PRKCA: variants seen among roughly 807,000 people sequenced by gnomAD.
The protein encoded by PRKCA is protein kinase C alpha type.
Under a neutral mutation model 87.0 loss-of-function variants are expected in PRKCA, and 27 were observed. That is an observed-to-expected ratio of 0.31 (90% CI 0.23 to 0.43). PRKCA has a LOEUF of 0.43. Ranked by LOEUF, PRKCA falls within the 20% of genes least tolerant of loss-of-function variation. The pLI is 1.00. For missense variants in PRKCA, 518 were observed against 852.3 expected (o/e 0.61, Z 4.88); for synonymous variants, 329 against 311.1 (o/e 1.06, Z -0.61).
At chr17:66,658,841 G>A (rs1477763058) in intron 5 of PRKCA, among the ~76,000 whole-genome samples, 1 of 152,128 alleles carries the variant, frequency 6.6e-6, no homozygotes, top group African/African-American at 2.4e-5. Flanking sequence ...ACCACAGTGG[G>A]ACTCCAGCAG....
In PRKCA at chr17:66,689,950, A is replaced by G. The variant is rs1053056323; in HGVS notation, c.918+903A>G. On this transcript the variant is annotated intron_variant, in intron 8 of 16. Transcript: ENST00000413366. The surrounding 1 kb of genome is among the most constrained non-coding windows in gnomAD (Gnocchi z 4.1). ...GAGCAGTACACGTGCACACGCACAC[A>G]TGTGTGTAGATGCTGAACTGCTACT... is the stretch of plus-strand genomic sequence containing the variant. Among the ~76,000 whole-genome samples, 6 of 152,068 alleles carry G rather than the reference A, an allele frequency of 3.9e-5. No individual in the cohort carries two copies. The highest frequency in any genetic ancestry group is 5.9e-5 in the Non-Finnish European group (4 of 68,016).
intron 3 of PRKCA, among the ~76,000 whole-genome samples, chr17:66,523,474 A>G (rs751201831): frequency 9.8e-5 from 15 of 152,296 alleles, no homozygotes; most frequent in Middle Eastern, 3.4e-3. Context: ...CTACTTATTT[A>G]TAGAGTTTTG....
At chr17:66,409,787 C>T (rs1175691670) in intron 2 of PRKCA, among the ~76,000 whole-genome samples, 1 of 152,160 alleles carries the variant, frequency 6.6e-6, no homozygotes, top group Non-Finnish European at 1.5e-5. Flanking sequence ...AAAAATTAGC[C>T]AGACGTGGTG....
intron 2 of PRKCA, among the ~76,000 whole-genome samples, chr17:66,384,777 C>T (rs562448603): frequency 3.9e-5 from 6 of 152,118 alleles, no homozygotes; most frequent in East Asian, 1.9e-4. Flanking sequence ...TACAGGTGCC[C>T]GTCACCACAC....
chr17:66,728,994 A>T (rs1973821892), intron 8 of PRKCA, among the ~76,000 whole-genome samples: 1 of 152,258 alleles, frequency 6.6e-6, no homozygotes, highest in African/African-American at 2.4e-5. Context: ...AATCCTGAGA[A>T]AATACGATTA....
At chr17:66,670,615 A>G (rs911707475) in intron 5 of PRKCA, among the ~76,000 whole-genome samples, 2 of 152,146 alleles carry the variant, frequency 1.3e-5, no homozygotes, top group Non-Finnish European at 2.9e-5. Context: ...CAATTCCATC[A>G]CTTTGGGAAG....
chr17:66,377,620 TTA>T (rs200023699), intron 2 of PRKCA, among the ~76,000 whole-genome samples: 6,262 of 144,730 alleles, frequency 0.043, 203 homozygotes, highest in Admixed American at 0.072. Context: ...AATGTCTATA[TTA>T]TATATATGTC....
chr17:66,416,454 C>G (rs925491611), intron 2 of PRKCA: 7 of 152,338 alleles, frequency 4.6e-5, no homozygotes, highest in African/African-American at 1.7e-4. Flanking sequence ...TCCATGTGGC[C>G]GGCAGCTGGG....
intron 3 of PRKCA, among the ~76,000 whole-genome samples, chr17:66,548,199 C>T (rs1968205990): frequency 6.6e-6 from 1 of 152,158 alleles, no homozygotes; most frequent in Admixed American, 6.5e-5. Flanking sequence ...CAGCTCCTTA[C>T]ACTTCTCCTT....
intron 3 of PRKCA, among the ~76,000 whole-genome samples, chr17:66,548,276 T>C (rs1968208967): frequency 6.6e-6 from 1 of 152,202 alleles, no homozygotes; most frequent in Admixed American, 6.5e-5. Context: ...CTCACAGGGC[T>C]GAGTCAGCTG....
intron 8 of PRKCA, among the ~76,000 whole-genome samples, chr17:66,721,700 C>T (rs55651107): frequency 1.2e-4 from 18 of 152,244 alleles, no homozygotes; most frequent in Admixed American, 2.6e-4. Context: ...GCCAGAGGGT[C>T]GCTTTCCTCG....
chr17:66,487,311 T>C (rs73334746), intron 2 of PRKCA, among the ~76,000 whole-genome samples: 2,160 of 152,330 alleles, frequency 0.014, 48 homozygotes, highest in African/African-American at 0.049. Context: ...TGTCACATAA[T>C]GACCTCCAGT....
rs73994623 is a variant in PRKCA, at chr17:66,789,989, A to G, written c.1854+1010A>G. On this transcript the variant is annotated intron_variant, in intron 16 of 16. Coordinates refer to ENST00000413366, the MANE Select transcript of PRKCA (RefSeq NM_002737.3). ...CAGCTCTGCCACCATCTTGGCCAGCATCAGGCAGCTCCCCATTGTGCCTCT... is the reference window on the plus strand; with the variant it reads ...CAGCTCTGCCACCATCTTGGCCAGCGTCAGGCAGCTCCCCATTGTGCCTCT... Among the ~76,000 whole-genome samples the G allele has an allele frequency of 2.6e-3, 395 of 152,350 alleles. 3 individuals carry two copies. Among genetic ancestry groups the G allele is most frequent in the African/African-American group, 9.1e-3 (378 of 41,592 alleles).
rs1365692702 is a variant in PRKCA, at chr17:66,790,383, C to G, written c.1854+1404C>G. 4.6e-5 allele frequency among the ~76,000 whole-genome samples: 7 copies of G among 152,290 alleles called. No homozygotes were observed. The East Asian group carries it at 1.3e-3, about 29-fold the overall frequency. On this transcript the variant is annotated intron_variant, in intron 16 of 16. Transcript: ENST00000413366. ...TTTGTATCTGACACCCCCGCCTTTT[C>G]TTTAGTCAGCCCTGCACACTGATTT...
At chr17:66,587,918 TATATATATATATATC>T (rs1969672236) in intron 3 of PRKCA, among the ~76,000 whole-genome samples, 1 of 136,360 alleles carries the variant, frequency 7.3e-6, no homozygotes, top group African/African-American at 2.9e-5. Context: ...TATATATATA[TATATATATATATATC>T]CTGCAGTAGC....
chr17:66,639,840 T>A (rs901651443), intron 3 of PRKCA, among the ~76,000 whole-genome samples: 4 of 151,884 alleles, frequency 2.6e-5, no homozygotes. Context: ...CTACTAAAAA[T>A]TAAAAAAAAT....
intron 2 of PRKCA, among the ~76,000 whole-genome samples, chr17:66,332,885 G>A (rs918746269): frequency 7.2e-5 from 11 of 152,022 alleles, no homozygotes; most frequent in African/African-American, 1.9e-4. Flanking sequence ...TAGAGACGGG[G>A]TTTCACCATG....
chr17:66,330,975 G>T (rs1252696475), intron 2 of PRKCA, among the ~76,000 whole-genome samples: 2 of 152,162 alleles, frequency 1.3e-5, no homozygotes, highest in African/African-American at 4.8e-5. Flanking sequence ...ATTAGTAATT[G>T]TTCTATACTT....
chr17:66,668,512 A>G (rs1329348233), intron 5 of PRKCA, among the ~76,000 whole-genome samples: 2 of 152,220 alleles, frequency 1.3e-5, no homozygotes, highest in African/African-American at 4.8e-5. Flanking sequence ...TCATTGGACT[A>G]AGAGCCATGA....
Sources: gnomAD v4.1 joint callset for allele counts (sites outside exome capture counted in the v4.1 genomes callset) on GRCh38, gnomAD v4.1.1 for gene constraint, Gnocchi (gnomAD v3.1) non-coding constraint, MANE v1.5 for transcripts, NCBI Gene and HGNC (gene_info 2026-07-23, HGNC 2026-07-21) for gene names.